The following KCNIP4 variants were observed in gnomAD, a reference collection of about 807,000 sequenced individuals.
The protein encoded by KCNIP4 is potassium voltage-gated channel interacting protein 4.
A neutral mutation model predicts 34.0 loss-of-function variants in KCNIP4; 12 were observed. The observed-to-expected ratio is 0.35, with a 90% CI of 0.23 to 0.57. The LOEUF (loss-of-function observed/expected upper bound fraction) is 0.57, where lower values mean the gene tolerates loss of function less well. KCNIP4 is among the 20% of genes least tolerant of loss of function. The pLI, the probability that KCNIP4 is intolerant of heterozygous loss-of-function variation, is 0.83. For synonymous variants in KCNIP4, 124 were observed against 102.2 expected (o/e 1.21, Z -1.29); for missense variants, 238 against 311.7 (o/e 0.76, Z 1.78).
chr4:21,928,123 T>TACACACACAC (rs201691328), intron 1 of KCNIP4, among the ~76,000 whole-genome samples: 2 of 123,048 alleles, frequency 1.6e-5, no homozygotes, highest in African/African-American at 5.8e-5. Flanking sequence ...TATATATATA[T>TACACACACAC]ATATACACAC....
chr4:21,931,241 T>TC (rs1436409072), intron 1 of KCNIP4, among the ~76,000 whole-genome samples: 5 of 151,956 alleles, frequency 3.3e-5, no homozygotes, highest in Non-Finnish European at 7.4e-5. Flanking sequence ...CTCAGCTTTT[T>TC]TTTTTTTATG....
At chr4:21,056,697 T>C (rs1743439977) in intron 1 of KCNIP4, among the ~76,000 whole-genome samples, 1 of 152,112 alleles carries the variant, frequency 6.6e-6, no homozygotes, top group Non-Finnish European at 1.5e-5. Context: ...AAGAAGGCTA[T>C]TATAAACCTT....
At chr4:21,236,698 C>T (rs1475698339) in intron 1 of KCNIP4, among the ~76,000 whole-genome samples, 1 of 151,948 alleles carries the variant, frequency 6.6e-6, no homozygotes, top group Non-Finnish European at 1.5e-5. Context: ...TAAATGGTCA[C>T]TTCAGCTTAC....
intron 1 of KCNIP4, among the ~76,000 whole-genome samples, chr4:21,128,011 G>T (rs923504330): frequency 1.3e-5 from 2 of 152,176 alleles, no homozygotes; most frequent in East Asian, 1.9e-4. Context: ...CATCACATTT[G>T]CCTTGCATAA....
chr4:21,433,724 G>A (rs956730076), intron 1 of KCNIP4, among the ~76,000 whole-genome samples: 5 of 151,966 alleles, frequency 3.3e-5, no homozygotes, highest in African/African-American at 7.3e-5. Context: ...TCCAATAACC[G>A]GGTTTATCCT....
rs144756707 is a variant in KCNIP4 at position 21,326,313 on chromosome 4, C to T, written c.62-443604G>A. On this transcript the variant is annotated intron_variant, in intron 1 of 8. Transcript: ENST00000382152. ...ACATATATATATATATATACATATA[C>T]GCACACATATTTGTTATACCCCCTT... Among the ~76,000 whole-genome samples the T allele has an allele frequency of 4.4e-3, 663 of 150,756 alleles. 6 individuals are homozygous for T. The highest frequency in any genetic ancestry group is 0.013 in the African/African-American group (549 of 41,056).
chr4:21,105,545 G>A (rs1202348634), intron 1 of KCNIP4, among the ~76,000 whole-genome samples: 1 of 151,530 alleles, frequency 6.6e-6, no homozygotes. Flanking sequence ...CTGCAAACAG[G>A]GACAACTTGA....
At chr4:20,802,100 C>A (rs1165312418) in intron 3 of KCNIP4, among the ~76,000 whole-genome samples, 1 of 118,382 alleles carries the variant, frequency 8.4e-6, no homozygotes, top group Non-Finnish European at 1.7e-5. Flanking sequence ...ATACATATTG[C>A]ATATATATAT....
chr4:21,796,925 A>T (rs539297071), intron 1 of KCNIP4, among the ~76,000 whole-genome samples: 2 of 152,180 alleles, frequency 1.3e-5, no homozygotes, highest in South Asian at 4.1e-4. Context: ...GATGCCTAGC[A>T]TGCTCCCTTT....
chr4:21,571,385 C>G (rs918585026), intron 1 of KCNIP4, among the ~76,000 whole-genome samples: 1 of 152,138 alleles, frequency 6.6e-6, no homozygotes, highest in Admixed American at 6.6e-5. Flanking sequence ...AGACCTGATC[C>G]TAGCTGTTTA....
At chr4:21,262,627 C>T (rs1468467642) in intron 1 of KCNIP4, among the ~76,000 whole-genome samples, 1 of 152,050 alleles carries the variant, frequency 6.6e-6, no homozygotes, top group Non-Finnish European at 1.5e-5. Flanking sequence ...ATTCTCCTTC[C>T]CTTTCTGGAC....
intron 1 of KCNIP4, among the ~76,000 whole-genome samples, chr4:21,143,922 C>T (rs1335874694): frequency 2.0e-5 from 3 of 151,812 alleles, no homozygotes; most frequent in African/African-American, 4.8e-5. Context: ...CTTGGCCAGG[C>T]TGGTCTTGAA....
chr4:21,687,808 T>C (rs1354391), intron 1 of KCNIP4, among the ~76,000 whole-genome samples: 22,235 of 152,016 alleles, frequency 0.15, 1,736 homozygotes, highest in African/African-American at 0.19. Context: ...GACTGGATGA[T>C]CAGGAAATGT....
intron 1 of KCNIP4, among the ~76,000 whole-genome samples, chr4:21,329,598 T>G (rs1239778757): frequency 6.6e-6 from 1 of 152,162 alleles, no homozygotes; most frequent in Non-Finnish European, 1.5e-5. Context: ...TATATGGTGC[T>G]ATGGAATTCA....
At chr4:20,915,825 A>C (rs375344580) in intron 1 of KCNIP4, among the ~76,000 whole-genome samples, 77 of 152,346 alleles carry the variant, frequency 5.1e-4, no homozygotes, top group African/African-American at 1.7e-3. Context: ...TTACACAGAA[A>C]AATGATAAAG....
At chr4:21,563,328 G>C (rs957932279) in intron 1 of KCNIP4, among the ~76,000 whole-genome samples, 6 of 152,022 alleles carry the variant, frequency 3.9e-5, no homozygotes, top group Non-Finnish European at 8.8e-5. Context: ...AACATGCATT[G>C]GAAGAAGAAT....
intron 1 of KCNIP4, among the ~76,000 whole-genome samples, chr4:21,509,545 C>T (rs991609334): frequency 3.3e-5 from 5 of 152,064 alleles, no homozygotes; most frequent in Non-Finnish European, 5.9e-5. Flanking sequence ...GCATTTAATC[C>T]TCACAATCCT....
At chr4:21,828,987 G>T (rs1020495561) in intron 1 of KCNIP4, among the ~76,000 whole-genome samples, 6 of 151,762 alleles carry the variant, frequency 4.0e-5, no homozygotes, top group Admixed American at 2.6e-4. Flanking sequence ...ATATGGGATG[G>T]AAATGAAGAT....
chr4:21,232,087 T>C (rs1758831614), intron 1 of KCNIP4, among the ~76,000 whole-genome samples: 1 of 152,176 alleles, frequency 6.6e-6, no homozygotes, highest in Non-Finnish European at 1.5e-5. Context: ...CCACTGCCGA[T>C]AAATTGCTGG....
Sources: allele counts gnomAD v4.1 joint callset (sites outside exome capture counted in the v4.1 genomes callset), GRCh38; gene constraint gnomAD v4.1.1; transcripts MANE v1.5; gene names NCBI Gene and HGNC (gene_info 2026-07-23, HGNC 2026-07-21).